The following CDH23 variants were observed in gnomAD, a reference collection of about 807,000 sequenced individuals.
CDH23 encodes cadherin related 23.
Under a neutral mutation model 317.1 loss-of-function variants are expected in CDH23, and 189 were observed. The observed-to-expected ratio is 0.60, with a 90% CI of 0.53 to 0.67. The LOEUF is 0.67. Ranked by LOEUF, CDH23 falls within the 30% of genes least tolerant of loss-of-function variation. CDH23 has a pLI of 0.00. For synonymous variants in CDH23, 1,839 were observed against 1,876.8 expected (o/e 0.98, Z 0.52); for missense variants, 4,401 against 4,592.4 (o/e 0.96, Z 1.20).
intron 28 of CDH23, chr10:71,713,198 A>G (rs770998047): frequency 1.3e-6 from 1 of 779,332 alleles, no homozygotes; most frequent in South Asian, 1.3e-5. Context: ...CTGCTTTCAC[A>G]GAGCCCTTGG....
chr10:71,663,783 C>T (rs1863773479), intron 14 of CDH23, among the ~76,000 whole-genome samples: 1 of 152,172 alleles, frequency 6.6e-6, no homozygotes, highest in Non-Finnish European at 1.5e-5. Context: ...CAGTTATCGT[C>T]AGCCAGTCTC....
chr10:71,604,449 T>C (rs967267578), intron 9 of CDH23, among the ~76,000 whole-genome samples: 1 of 152,132 alleles, frequency 6.6e-6, no homozygotes, highest in Admixed American at 6.5e-5. Context: ...TTATTGCCCC[T>C]TTTCTCTCTG....
chr10:71,593,088 G>A (rs561755442), intron 9 of CDH23, among the ~76,000 whole-genome samples: 37 of 152,342 alleles, frequency 2.4e-4, no homozygotes, highest in Admixed American at 1.8e-3. Flanking sequence ...GGGGCCATGC[G>A]TGGGGCAGGC....
chr10:71,447,848 C>T (rs997578043), intron 3 of CDH23, among the ~76,000 whole-genome samples: 2 of 152,184 alleles, frequency 1.3e-5, no homozygotes, highest in African/African-American at 4.8e-5. Context: ...TGGAATTCAC[C>T]TGTGACTCCT....
intron 14 of CDH23, among the ~76,000 whole-genome samples, chr10:71,655,271 G>A (rs555352508): frequency 6.6e-6 from 1 of 152,260 alleles, no homozygotes; most frequent in African/African-American, 2.4e-5. Context: ...CTGCAGCCTG[G>A]CCTTGAGCTG....
At chr10:71,660,420 C>T (rs1863600726) in intron 14 of CDH23, among the ~76,000 whole-genome samples, 1 of 152,166 alleles carries the variant, frequency 6.6e-6, no homozygotes, top group African/African-American at 2.4e-5. Context: ...CTCCTTCCAG[C>T]TCTCTTCTCC....
intron 28 of CDH23, chr10:71,713,190 G>A (rs1439847219): frequency 1.3e-6 from 1 of 779,360 alleles, no homozygotes. Context: ...GAACAGAGCT[G>A]CTTTCACAGA....
chr10:71,760,595 A>G, intron 38 of CDH23: 1 of 410,976 alleles, frequency 2.4e-6, no homozygotes, highest in Non-Finnish European at 4.5e-6. Flanking sequence ...ACCTGTCATG[A>G]GGCACTTGCC....
intron 11 of CDH23, among the ~76,000 whole-genome samples, chr10:71,619,197 T>A (rs1016907515): frequency 6.6e-6 from 1 of 151,872 alleles, no homozygotes; most frequent in Non-Finnish European, 1.5e-5. Flanking sequence ...TAGCCAGGCA[T>A]GATGGTGTGC....
At chr10:71,755,587 C>T (rs1007226239) in intron 38 of CDH23, 1 of 876,620 alleles carries the variant, frequency 1.1e-6, no homozygotes, top group African/African-American at 1.7e-5. Context: ...CAGAGTCCCA[C>T]AGCTAGACCC....
chr10:71,658,292 T>C (rs1863501711), intron 14 of CDH23, among the ~76,000 whole-genome samples: 2 of 150,772 alleles, frequency 1.3e-5, no homozygotes, highest in Admixed American at 1.3e-4. Context: ...GAGCGAGAGA[T>C]GGAGAGAGAG....
At chr10:71,570,196 A>T (rs554110659) in intron 7 of CDH23, among the ~76,000 whole-genome samples, 1 of 152,192 alleles carries the variant, frequency 6.6e-6, no homozygotes, top group South Asian at 2.1e-4. Context: ...TGCTGGTTGG[A>T]TTGGGAAAAG....
chr10:71,651,241 GAA>G (rs1863152607), intron 14 of CDH23, among the ~76,000 whole-genome samples: 1 of 151,774 alleles, frequency 6.6e-6, no homozygotes, highest in South Asian at 2.1e-4. Context: ...TAACATTGGA[GAA>G]AAGAGGCTGG....
intron 6 of CDH23, among the ~76,000 whole-genome samples, chr10:71,562,288 C>T (rs1261579169): frequency 6.6e-6 from 1 of 152,202 alleles, no homozygotes; most frequent in East Asian, 1.9e-4. Flanking sequence ...ATCCCTTGCC[C>T]GTCCGGCCAC....
intron 6 of CDH23, among the ~76,000 whole-genome samples, chr10:71,550,584 A>AAGAAAAG (rs1856534866): frequency 6.7e-6 from 1 of 150,162 alleles, no homozygotes; most frequent in African/African-American, 2.5e-5. Context: ...AAAAGAAAAA[A>AAGAAAAG]GAAAAAGAAA....
chr10:71,772,477 C>T (rs1168971362), intron 38 of CDH23, among the ~76,000 whole-genome samples: 2 of 152,242 alleles, frequency 1.3e-5, no homozygotes, highest in Non-Finnish European at 2.9e-5. Context: ...AACTAGGCAA[C>T]CAGGCCATGG....
intron 6 of CDH23, among the ~76,000 whole-genome samples, chr10:71,560,962 T>A (rs1310716466): frequency 2.6e-5 from 4 of 152,188 alleles, no homozygotes; most frequent in Non-Finnish European, 4.4e-5. Context: ...TTGCCAAAGT[T>A]TGGTCAAGGG....
chr10:71,732,317 G>T lies in CDH23; in HGVS notation c.4046G>T (p.Arg1349Leu). Residue 1349 changes from arginine to leucine, a missense_variant, in exon 32 of 70, where the codon CGC becomes CTC. Physicochemically the swap from Arg to Leu is moderately radical, Grantham distance 102. This residue lies in a region of CDH23 where 3,068 missense variants were observed against 3,203.3 expected (regional missense o/e 0.96). Coordinates refer to ENST00000224721, the MANE Select transcript of CDH23 (RefSeq NM_022124.6). ...GACAACCTCAACCAAATCACGTACC[G>T]CTTCAACGCCTACACCAGCACCCAG... is the stretch of plus-strand genomic sequence containing the variant. ...SIDNLNQITY[R>L]FNAYTSTQAK... 6.2e-7 allele frequency: 1 copy of T among 1,603,700 alleles called. No individual in the cohort carries two copies. Among genetic ancestry groups the T allele is most frequent in the Non-Finnish European group, 8.5e-7 (1 of 1,174,858 alleles).
chr10:71,462,904 T>C (rs747210546), intron 3 of CDH23, among the ~76,000 whole-genome samples: 2 of 152,212 alleles, frequency 1.3e-5, no homozygotes, highest in Non-Finnish European at 2.9e-5. Context: ...TGGGAGTGCT[T>C]CTTTGGGCCA....
Sources: gnomAD v4.1 joint callset for allele counts (sites outside exome capture counted in the v4.1 genomes callset) on GRCh38, gnomAD v4.1.1 for gene constraint, gnomAD v4.1.1 regional missense constraint, MANE v1.5 for transcripts, NCBI Gene and HGNC (gene_info 2026-07-23, HGNC 2026-07-21) for gene names.